DNM3: variants seen among roughly 807,000 people sequenced by gnomAD.
The protein encoded by DNM3 is dynamin 3.
Under a neutral mutation model 101.6 loss-of-function variants are expected in DNM3, and 47 were observed. That is an observed-to-expected ratio of 0.46 (90% confidence interval 0.37 to 0.59). DNM3 has a LOEUF of 0.59. Among genes scored for constraint, DNM3 ranks in the 20% least tolerant of loss-of-function variants. The pLI is 0.00. For synonymous variants in DNM3, 385 were observed against 387.9 expected (o/e 0.99, Z 0.09); for missense variants, 849 against 1,085.7 (o/e 0.78, Z 3.06).
rs1186929335 is a variant in DNM3, at chr1:171,989,936, T to A, written c.589+788T>A. On this transcript the variant is annotated intron_variant, in intron 4 of 20. Coordinates refer to ENST00000627582, the MANE Select transcript of DNM3 (RefSeq NM_015569.5). ...TTATTAGCATGTTAGAACTCCTAAA[T>A]GAATCCTTTATTTCAATCTTTCTCT... Among the ~76,000 whole-genome samples, 4 of 151,858 alleles carry A rather than the reference T, an allele frequency of 2.6e-5. No individual in the cohort carries two copies. The East Asian group carries it at 7.7e-4, about 29-fold the overall frequency.
chr1:172,040,094 A>G (rs1328233338), intron 7 of DNM3, among the ~76,000 whole-genome samples: 1 of 152,176 alleles, frequency 6.6e-6, no homozygotes. Context: ...CAAGAGAATC[A>G]TGAGAACTTT....
Position 171,897,079 on chromosome 1 carries a change from A to T in DNM3, c.162-24669A>T, listed in dbSNP as rs112723583. On this transcript the variant is annotated intron_variant, in intron 1 of 20. Coordinates refer to ENST00000627582, the MANE Select transcript of DNM3 (RefSeq NM_015569.5). ...CTTCATTCAACACATATATATATAT[A>T]TTTTTTAGCATCTTCTTCATGTGTA... Among the ~76,000 whole-genome samples the T allele has an allele frequency of 6.8e-3, 1,029 of 152,158 alleles. 14 individuals carry two copies. The highest frequency in any genetic ancestry group is 0.023 in the African/African-American group (968 of 41,524).
chr1:172,010,074 A>T (rs1464932635), intron 4 of DNM3, among the ~76,000 whole-genome samples: 1 of 151,850 alleles, frequency 6.6e-6, no homozygotes, highest in Non-Finnish European at 1.5e-5. Flanking sequence ...ATTCAATGTA[A>T]TTATCAATAT....
At chr1:172,323,225 T>A (rs1225653833) in intron 16 of DNM3, 104 bp from the exon 17 acceptor site, 1 of 1,246,054 alleles carries the variant, frequency 8.0e-7, no homozygotes, top group East Asian at 2.5e-5. Flanking sequence ...CTCATTTTAT[T>A]TTTTTTAATA....
At chr1:172,159,259 A>T (rs1558656416) in intron 14 of DNM3, among the ~76,000 whole-genome samples, 1 of 152,072 alleles carries the variant, frequency 6.6e-6, no homozygotes, top group Non-Finnish European at 1.5e-5. Context: ...GTCCTACTAG[A>T]TTCATCAGAC....
intron 14 of DNM3, chr1:172,132,935 C>G: frequency 1.4e-6 from 2 of 1,406,506 alleles, no homozygotes; most frequent in Non-Finnish European, 2.0e-6. Flanking sequence ...AGTCACACAG[C>G]TAGTTGGTGG....
chr1:172,047,106 G>T (rs1255733609), intron 9 of DNM3, among the ~76,000 whole-genome samples: 1 of 152,082 alleles, frequency 6.6e-6, no homozygotes, highest in Non-Finnish European at 1.5e-5. Context: ...TATATATTTG[G>T]TTTGACAATT....
intron 15 of DNM3, among the ~76,000 whole-genome samples, chr1:172,303,690 A>T (rs1573376405): frequency 6.6e-6 from 1 of 152,172 alleles, no homozygotes; most frequent in Admixed American, 6.5e-5. Flanking sequence ...CTCAGCAGAA[A>T]CCCTACAAGC....
At chr1:172,058,685 C>T (rs1172152973) in intron 10 of DNM3, among the ~76,000 whole-genome samples, 1 of 152,018 alleles carries the variant, frequency 6.6e-6, no homozygotes, top group Non-Finnish European at 1.5e-5. Flanking sequence ...CTCTGGGATG[C>T]ATTTAAAGCA....
At chr1:171,871,899 G>T (rs2035327986) in intron 1 of DNM3, among the ~76,000 whole-genome samples, 4 of 141,884 alleles carry the variant, frequency 2.8e-5, no homozygotes, top group Non-Finnish European at 1.5e-5. Context: ...TATTCAAAGT[G>T]TATTTTCTCT....
intron 2 of DNM3, among the ~76,000 whole-genome samples, chr1:171,976,736 A>T (rs2044401926): frequency 6.6e-6 from 1 of 152,182 alleles, no homozygotes; most frequent in South Asian, 2.1e-4. Context: ...CTCATAGAAA[A>T]AGTTTTTTGT....
chr1:172,057,129 AG>A (rs2050709823), intron 10 of DNM3, among the ~76,000 whole-genome samples: 1 of 152,142 alleles, frequency 6.6e-6, no homozygotes, highest in South Asian at 2.1e-4. Context: ...TGAAGCGAGA[AG>A]GGAAGTTTAG....
intron 15 of DNM3, among the ~76,000 whole-genome samples, chr1:172,283,759 CAAAA>C (rs769812358): frequency 2.5e-5 from 1 of 40,296 alleles, no homozygotes; most frequent in African/African-American, 7.0e-5. Context: ...GACTCCATCT[CAAAA>C]AAAAAAAAAA....
intron 1 of DNM3, among the ~76,000 whole-genome samples, chr1:171,862,741 C>T (rs2034309567): frequency 6.6e-6 from 1 of 151,920 alleles, no homozygotes; most frequent in Non-Finnish European, 1.5e-5. Context: ...TAAATTATAT[C>T]TCAATTAAAA....
intron 17 of DNM3, among the ~76,000 whole-genome samples, chr1:172,335,552 C>T (rs192550983): frequency 1.3e-5 from 2 of 152,214 alleles, no homozygotes; most frequent in Admixed American, 6.5e-5. Flanking sequence ...ACCTAGGTGC[C>T]TATCAATGGC....
chr1:171,856,986 C>T (rs78074443), intron 1 of DNM3, among the ~76,000 whole-genome samples: 2,551 of 152,182 alleles, frequency 0.017, 75 homozygotes, highest in African/African-American at 0.055. Flanking sequence ...TGAAGCCAGA[C>T]GCACAGAAAT....
intron 1 of DNM3, among the ~76,000 whole-genome samples, chr1:171,875,005 C>A (rs1237424854): frequency 6.6e-6 from 1 of 151,988 alleles, no homozygotes; most frequent in Non-Finnish European, 1.5e-5. Context: ...CGATTTTGTT[C>A]TTTTTATGGC....
intron 12 of DNM3, among the ~76,000 whole-genome samples, chr1:172,082,368 G>A (rs1383073780): frequency 3.4e-5 from 5 of 148,670 alleles, no homozygotes; most frequent in Non-Finnish European, 3.0e-5. Context: ...GATGTAATCT[G>A]TCGGGGTGAA....
chr1:172,224,365 A>G (rs2061022841), intron 14 of DNM3, among the ~76,000 whole-genome samples: 3 of 152,200 alleles, frequency 2.0e-5, no homozygotes, highest in Admixed American at 2.0e-4. Flanking sequence ...TCATTTTAGT[A>G]TTGTGGAAAT....
Sources: allele counts gnomAD v4.1 joint callset (sites outside exome capture counted in the v4.1 genomes callset), GRCh38; gene constraint gnomAD v4.1.1; transcripts MANE v1.5; gene names NCBI Gene and HGNC (gene_info 2026-07-23, HGNC 2026-07-21).